TMEM108: variants seen among roughly 807,000 people sequenced by gnomAD.
TMEM108 encodes cancer/testis antigen 124.
Under a neutral mutation model 35.1 loss-of-function variants are expected in TMEM108, and 12 were observed. The ratio of observed to expected loss-of-function variants is 0.34; its 90% CI spans 0.22 to 0.55. The LOEUF is 0.55. Among genes scored for constraint, TMEM108 ranks in the 20% least tolerant of loss-of-function variants. The probability of loss-of-function intolerance (pLI) is 0.89; values close to 1 mark genes in which losing one functional copy is unlikely to be tolerated. For synonymous variants in TMEM108, 287 were observed against 308.6 expected (o/e 0.93, Z 0.73); for missense variants, 680 against 753.3 (o/e 0.90, Z 1.14).
chr3:133,172,486 A>T (rs946706633), intron 2 of TMEM108, among the ~76,000 whole-genome samples: 1 of 152,214 alleles, frequency 6.6e-6, no homozygotes, highest in South Asian at 2.1e-4. Flanking sequence ...TAGATTTTTT[A>T]AATTACTTTC....
intron 3 of TMEM108, among the ~76,000 whole-genome samples, chr3:133,378,750 C>T (rs1482652197): frequency 6.6e-6 from 1 of 151,300 alleles, no homozygotes; most frequent in Non-Finnish European, 1.5e-5. Context: ...ACGTTTTTGT[C>T]CTTGTGCATT....
chr3:133,150,102 G>A (rs1474673915), intron 2 of TMEM108, among the ~76,000 whole-genome samples: 1 of 152,004 alleles, frequency 6.6e-6, no homozygotes, highest in East Asian at 1.9e-4. Context: ...TACAATCCCA[G>A]CAAGAGTGTA....
intron 3 of TMEM108, among the ~76,000 whole-genome samples, chr3:133,257,847 A>T (rs1198295927): frequency 6.6e-6 from 1 of 152,186 alleles, no homozygotes; most frequent in Non-Finnish European, 1.5e-5. Context: ...GCAACAACTT[A>T]CTTAGTGTAT....
chr3:133,206,547 G>A lies in TMEM108; in HGVS notation c.-46-22719G>A, dbSNP rs554269983. ...TTCCGTTTGTTAGTTTTCCTTCTAA[G>A]AGTCAGGCCCCTCTGCTGCAGGACC... On this transcript the variant is annotated intron_variant, in intron 2 of 5. Transcript: ENST00000321871. Among the ~76,000 whole-genome samples the A allele has an allele frequency of 3.0e-4, 45 of 152,266 alleles. No homozygotes were observed. The South Asian group carries it at 9.1e-3, about 31-fold the overall frequency.
chr3:133,217,385 ACT>A (rs1945924763), intron 2 of TMEM108, among the ~76,000 whole-genome samples: 1 of 151,880 alleles, frequency 6.6e-6, no homozygotes, highest in Admixed American at 6.6e-5. Flanking sequence ...TTGTCTCATA[ACT>A]CTGTTGATTG....
At chr3:133,167,504 G>A (rs2107786362) in intron 2 of TMEM108, among the ~76,000 whole-genome samples, 1 of 152,396 alleles carries the variant, frequency 6.6e-6, no homozygotes. Context: ...GGGGACTTGG[G>A]CATGGTGGGC....
In TMEM108 at chr3:133,184,133, T is replaced by G. The variant is rs574808092; in HGVS notation, c.-46-45133T>G. ...TATGAAGAGGGGATGCTATCAGGAG[T>G]CTGAATATTTTCTAAAGGGACTATT... On this transcript the variant is annotated intron_variant, in intron 2 of 5. Coordinates refer to ENST00000321871, the MANE Select transcript of TMEM108 (RefSeq NM_023943.4). 5.9e-5 allele frequency among the ~76,000 whole-genome samples: 9 copies of G among 152,104 alleles called. No homozygotes were observed. The South Asian group carries it at 1.9e-3, about 32-fold the overall frequency.
rs190282361 is a variant in TMEM108, at chr3:133,240,453, A to G, written c.40+11102A>G. Among the ~76,000 whole-genome samples the G allele has an allele frequency of 8.6e-3, 1,304 of 152,370 alleles. 64 individuals are homozygous for G. Among genetic ancestry groups the G allele is most frequent in the Admixed American group, 0.071 (1,084 of 15,308 alleles). On this transcript the variant is annotated intron_variant, in intron 3 of 5. Coordinates refer to ENST00000321871, the MANE Select transcript of TMEM108 (RefSeq NM_023943.4). ...AAACAATGCCAATGGGGACTAAGAA[A>G]AAATATTTTAAAGAAATTCAATTTT...
At chr3:133,311,548 G>A (rs552690539) in intron 3 of TMEM108, among the ~76,000 whole-genome samples, 2 of 152,286 alleles carry the variant, frequency 1.3e-5, no homozygotes, top group African/African-American at 4.8e-5. Context: ...TCGTGCCATG[G>A]TTTTCAGCTC....
At chr3:133,198,647 G>A (rs1945614605) in intron 2 of TMEM108, among the ~76,000 whole-genome samples, 1 of 151,824 alleles carries the variant, frequency 6.6e-6, no homozygotes, top group African/African-American at 2.4e-5. Flanking sequence ...TACTAGTTTG[G>A]GTAGAGAAAA....
intron 3 of TMEM108, among the ~76,000 whole-genome samples, chr3:133,259,098 G>A (rs1946588817): frequency 6.6e-6 from 1 of 152,104 alleles, no homozygotes; most frequent in Non-Finnish European, 1.5e-5. Context: ...GACCTTATTG[G>A]CCTTAATACA....
chr3:133,254,314 A>C (rs1319855629), intron 3 of TMEM108, among the ~76,000 whole-genome samples: 1 of 152,250 alleles, frequency 6.6e-6, no homozygotes, highest in African/African-American at 2.4e-5. Flanking sequence ...TAGTGACAAC[A>C]AAGGCTTCCC....
intron 3 of TMEM108, among the ~76,000 whole-genome samples, chr3:133,287,771 T>C (rs531585312): frequency 1.3e-5 from 2 of 152,320 alleles, no homozygotes; most frequent in South Asian, 4.1e-4. Context: ...TTAGGGCCTC[T>C]TTTAGATTGG....
intron 1 of TMEM108, among the ~76,000 whole-genome samples, chr3:133,043,250 A>G (rs528810668): frequency 3.9e-5 from 6 of 152,288 alleles, no homozygotes; most frequent in African/African-American, 1.4e-4. Context: ...CATTTCACAC[A>G]TAATTCTGAG....
chr3:133,395,670 T>TACAC (rs143963605), intron 5 of TMEM108, among the ~76,000 whole-genome samples, 194 bp from the exon 6 acceptor site: 1 of 151,332 alleles, frequency 6.6e-6, no homozygotes, highest in African/African-American at 2.4e-5. Context: ...AATATACACA[T>TACAC]ACACACACAC....
intron 2 of TMEM108, among the ~76,000 whole-genome samples, chr3:133,106,304 G>T (rs547625967): frequency 6.6e-6 from 1 of 151,222 alleles, no homozygotes; most frequent in Non-Finnish European, 1.5e-5. Context: ...CCTTTTTGTG[G>T]CAGGGATTAT....
At chr3:133,216,809 C>T (rs962338834) in intron 2 of TMEM108, among the ~76,000 whole-genome samples, 1 of 151,984 alleles carries the variant, frequency 6.6e-6, no homozygotes, top group Non-Finnish European at 1.5e-5. Context: ...TATATATATA[C>T]CACAATTTCT....
chr3:133,046,376 C>T (rs1943340916), intron 2 of TMEM108, among the ~76,000 whole-genome samples: 1 of 152,308 alleles, frequency 6.6e-6, no homozygotes, highest in East Asian at 1.9e-4. Flanking sequence ...CATATGTTAG[C>T]TCTGGTAGCT....
chr3:133,258,553 C>T (rs1212191319), intron 3 of TMEM108, among the ~76,000 whole-genome samples: 1 of 152,214 alleles, frequency 6.6e-6, no homozygotes, highest in Non-Finnish European at 1.5e-5. Flanking sequence ...GAGGCAGCTG[C>T]TGCCAGCTCA....
Sources: allele counts gnomAD v4.1 joint callset (sites outside exome capture counted in the v4.1 genomes callset), GRCh38; gene constraint gnomAD v4.1.1; transcripts MANE v1.5; gene names NCBI Gene and HGNC (gene_info 2026-07-23, HGNC 2026-07-21).